Variants in MRTFB observed in about 807,000 individuals in gnomAD.
MRTFB encodes the protein myocardin-related transcription factor B.
In MRTFB, 29 loss-of-function variants were observed where a neutral mutation model predicts 104.2. The ratio of observed to expected loss-of-function variants is 0.28; its 90% CI spans 0.21 to 0.38. The LOEUF is 0.38. Among genes scored for constraint, MRTFB ranks in the 10% least tolerant of loss-of-function variants. The pLI is 1.00. For synonymous variants in MRTFB, 535 were observed against 519.5 expected (o/e 1.03, Z -0.41); for missense variants, 1,270 against 1,341.6 (o/e 0.95, Z 0.83).
chr16:14,213,666 A>G, intron 6 of MRTFB, 46 bp downstream of exon 6: 2 of 1,344,154 alleles, frequency 1.5e-6, no homozygotes, highest in Non-Finnish European at 2.1e-6. Flanking sequence ...TTTCAAGAAA[A>G]GAAGTGAGAA....
the MRTFB span, among the ~76,000 whole-genome samples, chr16:14,039,691 A>T: frequency 2.6e-5 from 4 of 151,144 alleles, no homozygotes; most frequent in Non-Finnish European, 4.4e-5. Flanking sequence ...ATGCACTTTT[A>T]ATTTACACTT....
the MRTFB span, among the ~76,000 whole-genome samples, chr16:13,997,846 G>C: frequency 1.4e-5 from 2 of 147,360 alleles, no homozygotes; most frequent in Non-Finnish European, 3.0e-5. Context: ...AAACATTTGA[G>C]TACCTACGTT....
intron 10 of MRTFB, among the ~76,000 whole-genome samples, chr16:14,242,547 G>A (rs1333560848): frequency 6.6e-6 from 1 of 152,086 alleles, no homozygotes; most frequent in Non-Finnish European, 1.5e-5. Flanking sequence ...AAGTCATAGA[G>A]TGCCCATAGT....
chr16:14,187,860 GT>G (rs2040012766), intron 3 of MRTFB, among the ~76,000 whole-genome samples: 1 of 152,092 alleles, frequency 6.6e-6, no homozygotes, highest in Non-Finnish European at 1.5e-5. Flanking sequence ...TTGAAAATTG[GT>G]TTCCTAGTCA....
intron 8 of MRTFB, among the ~76,000 whole-genome samples, chr16:14,232,536 T>C (rs1037502370): frequency 6.6e-6 from 1 of 152,174 alleles, no homozygotes; most frequent in Non-Finnish European, 1.5e-5. Flanking sequence ...AAAAATGAAA[T>C]TGAATGCAGC....
At chr16:14,165,154 G>A (rs2039189455) in intron 3 of MRTFB, among the ~76,000 whole-genome samples, 3 of 151,698 alleles carry the variant, frequency 2.0e-5, no homozygotes. Context: ...AGTATTAGTA[G>A]GTTGTAAGTT....
chr16:14,130,029 C>G (rs2037358944), intron 2 of MRTFB, among the ~76,000 whole-genome samples: 1 of 152,134 alleles, frequency 6.6e-6, no homozygotes, highest in Non-Finnish European at 1.5e-5. Context: ...CGGGATTTTG[C>G]TATGTTCACT....
At chr16:14,033,791 G>A in the MRTFB span, among the ~76,000 whole-genome samples, 221 of 145,766 alleles carry the variant, frequency 1.5e-3, 2 homozygotes, top group Middle Eastern at 7.6e-3. Flanking sequence ...TGCTGAGATC[G>A]CGCCACTGCA....
In MRTFB at chr16:14,234,250, G is replaced by A; in HGVS notation, c.798G>A (p.Val266=). 6.2e-7 allele frequency: 1 copy of A among 1,614,104 alleles called. No individual in the cohort carries two copies. The highest frequency in any genetic ancestry group is 8.5e-7 in the Non-Finnish European group (1 of 1,180,020). Residue 266 remains valine, a synonymous_variant, in exon 9 of 17, where the codon GTG becomes GTA. Transcript: ENST00000571589. ...CTCCTGTCCTCCCCACAAACACTGT[G>A]TCCTCAGCAAAGCCTGGCCCAGCAC... ...PAAPVLPTNT[V]SSAKPGPALV... is the part of the protein sequence containing the mutation.
At chr16:14,062,048 G>A in the MRTFB span, among the ~76,000 whole-genome samples, 1 of 152,030 alleles carries the variant, frequency 6.6e-6, no homozygotes, top group Non-Finnish European at 1.5e-5. Context: ...CAGTCCAGCA[G>A]CTTGGTGATG....
intron 3 of MRTFB, among the ~76,000 whole-genome samples, chr16:14,149,007 A>G (rs1567385920): frequency 6.6e-6 from 1 of 152,218 alleles, no homozygotes; most frequent in Non-Finnish European, 1.5e-5. Context: ...CATACTTGCC[A>G]GCTCTCTCAA....
the MRTFB span, among the ~76,000 whole-genome samples, chr16:14,041,266 A>T: frequency 6.6e-6 from 1 of 152,220 alleles, no homozygotes; most frequent in African/African-American, 2.4e-5. Context: ...AACTATACTC[A>T]CATTGTTATC....
the MRTFB span, among the ~76,000 whole-genome samples, chr16:14,003,640 G>GCCTGCCTGCCTGCCTGCCTGTCTC: frequency 6.8e-6 from 1 of 146,684 alleles, no homozygotes; most frequent in Non-Finnish European, 1.5e-5. Flanking sequence ...CTGCCTGCCT[G>GCCTGCCTGCCTGCCTGCCTGTCTC]CCTCCCTCCC....
intron 4 of MRTFB, 122 bp from the exon 5 acceptor site, chr16:14,212,232 G>A: frequency 9.9e-6 from 9 of 912,514 alleles, no homozygotes; most frequent in Non-Finnish European, 1.5e-5. Context: ...TAATGGAACT[G>A]GTAAATTAAT....
At chr16:14,014,956 A>G in the MRTFB span, among the ~76,000 whole-genome samples, 21 of 152,242 alleles carry the variant, frequency 1.4e-4, no homozygotes, top group East Asian at 4.1e-3. Context: ...CACACTCCCC[A>G]CACCCTGCCT....
At chr16:14,236,102 G>A (rs1029566552) in intron 9 of MRTFB, among the ~76,000 whole-genome samples, 2 of 152,092 alleles carry the variant, frequency 1.3e-5, no homozygotes, top group African/African-American at 4.8e-5. Flanking sequence ...GATCACTTGA[G>A]CCCAGGAGGT....
chr16:14,039,003 G>A, the MRTFB span, among the ~76,000 whole-genome samples: 1 of 152,114 alleles, frequency 6.6e-6, no homozygotes, highest in Non-Finnish European at 1.5e-5. Flanking sequence ...AGAACAGTAT[G>A]GGGGAAACTG....
the MRTFB span, among the ~76,000 whole-genome samples, chr16:14,002,886 G>A: frequency 1.3e-5 from 2 of 152,080 alleles, no homozygotes; most frequent in African/African-American, 4.8e-5. Flanking sequence ...GAGAATTCTC[G>A]GTGGGGAGGA....
At position 14,247,285 on chromosome 16, in the gene MRTFB, A is replaced by G. The variant is rs1463212294; in HGVS notation, c.2025A>G (p.Lys675=). 1 of 1,614,192 alleles carries G rather than the reference A, an allele frequency of 6.2e-7. No individual in the cohort carries two copies. Among genetic ancestry groups the G allele is most frequent in the Non-Finnish European group, 8.5e-7 (1 of 1,180,028 alleles). Residue 675 remains lysine (K), a synonymous_variant, in exon 12 of 17, where the codon AAA becomes AAG. Coordinates refer to ENST00000571589, the MANE Select transcript of MRTFB (RefSeq NM_001308142.2). ...VSTGGQTLVA[K]KAVVIKQEVP... ...CAGGTGGCCAGACCCTTGTTGCCAA[A>G]AAGGCTGTAGTTATCAAGCAAGAGG...
Sources: gnomAD v4.1 joint callset for allele counts (sites outside exome capture counted in the v4.1 genomes callset) on GRCh38, gnomAD v4.1.1 for gene constraint, MANE v1.5 for transcripts, NCBI Gene and HGNC (gene_info 2026-07-23, HGNC 2026-07-21) for gene names.